The following DYRK1A variants were observed in gnomAD, a reference collection of about 807,000 sequenced individuals.
The protein encoded by DYRK1A is dual specificity tyrosine phosphorylation regulated kinase 1A.
In DYRK1A, 9 loss-of-function variants were observed where a neutral mutation model predicts 79.7. The ratio of observed to expected loss-of-function variants is 0.11; its 90% CI spans 0.07 to 0.20. The LOEUF is 0.20. DYRK1A is among the 10% of genes least tolerant of loss of function. DYRK1A has a pLI of 1.00. For synonymous variants in DYRK1A, 349 were observed against 329.7 expected, an observed-to-expected ratio of 1.06 and a Z score of -0.63; for missense variants, 622 against 956.0, an observed-to-expected ratio of 0.65 and a Z score of 4.61.
At chr21:37,387,883 A>G (rs907311210) in intron 1 of DYRK1A, among the ~76,000 whole-genome samples, 9 of 152,340 alleles carry the variant, frequency 5.9e-5, no homozygotes, top group Admixed American at 5.9e-4. Context: ...TTCTAGCTTC[A>G]TACAGCAGAT....
chr21:37,429,804 G>C (rs971189550), intron 2 of DYRK1A, among the ~76,000 whole-genome samples: 1 of 152,166 alleles, frequency 6.6e-6, no homozygotes, highest in South Asian at 2.1e-4. Flanking sequence ...ATCCATTCTG[G>C]AAGTAAAAGA....
chr21:37,460,722 T>A (rs2051812577), intron 2 of DYRK1A, among the ~76,000 whole-genome samples: 2 of 152,198 alleles, frequency 1.3e-5, no homozygotes, highest in Non-Finnish European at 2.9e-5. Flanking sequence ...TTACTGATTA[T>A]TAATTTAAAA....
At chr21:37,511,818 T>C in intron 11 of DYRK1A, 93 bp from the exon 12 acceptor site, 8 of 1,397,598 alleles carry the variant, frequency 5.7e-6, no homozygotes, top group South Asian at 1.4e-5. Flanking sequence ...CTGATTAATA[T>C]GATGCTAGTT....
At position 37,478,220 on chromosome 21, in the gene DYRK1A, C is replaced by G. The variant is rs1555979111; in HGVS notation, c.220C>G (p.Gln74Glu). The change falls in exon 4 of 12, where the codon CAA (glutamine) becomes GAA (glutamate). Residue 74 changes from glutamine to glutamate, a missense_variant. Gln to Glu is a conservative substitution (Grantham distance 29). This residue lies in a region of DYRK1A where 91 missense variants were observed against 113.8 expected (regional missense o/e 0.80). Coordinates refer to ENST00000647188, the MANE Select transcript of DYRK1A (RefSeq NM_001347721.2). ...TGTCATGTTACAGAGGCGGATGCCCCAAACCTTCCGTGACCCAGCAACTGC... is the reference window on the plus strand; with the variant it reads ...TGTCATGTTACAGAGGCGGATGCCCGAAACCTTCCGTGACCCAGCAACTGC... ...QPLTNQRRMPQTFRDPATAPL... is the reference protein window; with the variant it reads ...QPLTNQRRMPETFRDPATAPL... 1 of 1,614,116 alleles carries G rather than the reference C, an allele frequency of 6.2e-7. No individual in the cohort carries two copies. The highest frequency in any genetic ancestry group is 1.1e-5 in the South Asian group (1 of 91,086).
chr21:37,502,417 T>C (rs912067095), intron 9 of DYRK1A: 4 of 152,200 alleles, frequency 2.6e-5, no homozygotes, highest in African/African-American at 9.7e-5. Context: ...TTTTTACTTA[T>C]TCCTCTATGT....
chr21:37,501,278 C>G lies in DYRK1A; in HGVS notation c.1213-4005C>G, dbSNP rs138004108. Reference sequence around the variant, plus strand: ...TTCCGCCTCCCAGGGTCAAGCAACTCTCCTGCCTCAACCTCCCAAGTAGCT... The same window carrying G: ...TTCCGCCTCCCAGGGTCAAGCAACTGTCCTGCCTCAACCTCCCAAGTAGCT... On this transcript the variant is annotated intron_variant, in intron 9 of 11. Transcript: ENST00000647188. The G allele has an allele frequency of 4.2e-3, 626 of 149,660 alleles. 7 individuals carry two copies. The highest frequency in any genetic ancestry group is 6.1e-3 in the Non-Finnish European group (411 of 67,762). 9.3% of individuals were successfully genotyped at this position (149,660 alleles called of 1,614,324 possible). A position where few individuals can be genotyped will look rare whatever the true frequency, so the allele number is the denominator to read the frequency against.
At chr21:37,414,584 T>G (rs73903958) in intron 1 of DYRK1A, among the ~76,000 whole-genome samples, 1,523 of 152,250 alleles carry the variant, frequency 0.01, 23 homozygotes, top group African/African-American at 0.035. Context: ...AAGCCCGCCT[T>G]ATAAAAGTTG....
rs374461106 is a variant in DYRK1A at position 37,506,312 on chromosome 21, A to G, written c.1644+89A>G. The stretch of plus-strand genomic sequence containing the variant: ...TGCCAGGTGCCTTTAGAATGACCGT[A>G]TCATTTACCCTAGAGGTTCATGACG... On this transcript the variant is annotated intron_variant, in intron 11 of 11. Coordinates refer to ENST00000647188, the MANE Select transcript of DYRK1A (RefSeq NM_001347721.2). 3.1e-6 allele frequency: 5 copies of G among 1,610,532 alleles called. No individual in the cohort carries two copies. The African/African-American group carries it at 4.0e-5, about 13-fold the overall frequency.
chr21:37,510,140 C>A (rs2053708663), intron 11 of DYRK1A, among the ~76,000 whole-genome samples: 1 of 152,178 alleles, frequency 6.6e-6, no homozygotes, highest in African/African-American at 2.4e-5. Context: ...ATGTCTCATT[C>A]ACACATAGAC....
intron 2 of DYRK1A, among the ~76,000 whole-genome samples, chr21:37,461,384 A>G (rs1440163764): frequency 1.3e-5 from 2 of 152,214 alleles, no homozygotes; most frequent in African/African-American, 2.4e-5. Context: ...AAACTCCACA[A>G]TGTTATTTTT....
At chr21:37,427,050 A>T (rs2148443738) in intron 2 of DYRK1A, among the ~76,000 whole-genome samples, 1 of 152,380 alleles carries the variant, frequency 6.6e-6, no homozygotes, top group South Asian at 2.1e-4. Flanking sequence ...TCTGAAGAAG[A>T]ACTAAAGCAA....
Position 37,472,644 on chromosome 21 carries a change from A to C in DYRK1A, c.11-40A>C, listed in dbSNP as rs537018575. ...TATGTCAAATGATACAAACATTAGG[A>C]TATGAATATTTCCTTTAAACCTCAC... On this transcript the variant is annotated intron_variant, in intron 2 of 11. Transcript: ENST00000647188. The C allele has an allele frequency of 1.2e-4, 184 of 1,472,310 alleles. 2 individuals are homozygous for C. The South Asian group carries it at 2.3e-3, about 19-fold the overall frequency. 91.2% of individuals were successfully genotyped at this position (1,472,310 alleles called of 1,614,324 possible). A position where few individuals can be genotyped will look rare whatever the true frequency, so the allele number is the denominator to read the frequency against.
At chr21:37,493,382 G>T (rs1052504019) in intron 8 of DYRK1A, among the ~76,000 whole-genome samples, 13 of 152,184 alleles carry the variant, frequency 8.5e-5, no homozygotes, top group Non-Finnish European at 1.8e-4. Flanking sequence ...TCATGAAGGA[G>T]AACAGTTAGA....
chr21:37,425,678 A>G (rs1046176058), intron 2 of DYRK1A: 4 of 151,896 alleles, frequency 2.6e-5, no homozygotes, highest in African/African-American at 7.2e-5. Context: ...AAATTTTCCC[A>G]TTTTCCTCTA....
At chr21:37,447,422 T>A (rs2051309383) in intron 2 of DYRK1A, among the ~76,000 whole-genome samples, 1 of 152,238 alleles carries the variant, frequency 6.6e-6, no homozygotes, top group African/African-American at 2.4e-5. Context: ...CGAATCTTGC[T>A]GCCACTCAAG....
At chr21:37,431,694 T>A (rs989226744) in intron 2 of DYRK1A, among the ~76,000 whole-genome samples, 5 of 152,200 alleles carry the variant, frequency 3.3e-5, no homozygotes, top group South Asian at 2.1e-4. Context: ...TTCATTTTTT[T>A]AAAAAGTTAG....
chr21:37,518,741 A>AG lies in DYRK1A; in HGVS notation c.*6210_*6211insG. ...AGCGATTCTCGTGCCTCAGCCTTTC[A>AG]AGTAGCTGGGATTACAGGTGCACAC... On this transcript the variant is annotated 3_prime_UTR_variant, in exon 12 of 12. Transcript: ENST00000647188. 1 of 150,604 alleles carries AG rather than the reference A, an allele frequency of 6.6e-6. No homozygotes were observed. Among genetic ancestry groups the AG allele is most frequent in the African/African-American group, 2.5e-5 (1 of 40,804 alleles). The allele number at this position is 150,604 out of a possible 1,614,324, so 9.3% of individuals were successfully genotyped here.
In DYRK1A at chr21:37,494,498, G is replaced by A. The variant is rs76387699; in HGVS notation, c.1071+1335G>A. On this transcript the variant is annotated intron_variant, in intron 8 of 11. Transcript: ENST00000647188. ...GCCCTTTGTATTTCTTCCTTCCTGT[G>A]CCTAAAATGCTCTTTTCTGAGATAC... Among the ~76,000 whole-genome samples, 1,365 of 151,334 alleles carry A rather than the reference G, an allele frequency of 9.0e-3. 19 individuals are homozygous for A. The highest frequency in any genetic ancestry group is 0.032 in the African/African-American group (1,309 of 41,176).
chr21:37,454,012 G>C (rs2051547083), intron 2 of DYRK1A, among the ~76,000 whole-genome samples: 1 of 145,958 alleles, frequency 6.9e-6, no homozygotes, highest in Non-Finnish European at 1.5e-5. Context: ...TTTCCCCACT[G>C]TTGTCCCTCA....
Sources: gnomAD v4.1 joint callset for allele counts (sites outside exome capture counted in the v4.1 genomes callset) on GRCh38, gnomAD v4.1.1 for gene constraint, gnomAD v4.1.1 regional missense constraint, MANE v1.5 for transcripts, NCBI Gene and HGNC (gene_info 2026-07-23, HGNC 2026-07-21) for gene names.